ZSCAN25: variants seen among roughly 807,000 people sequenced by gnomAD.
ZSCAN25 encodes zinc finger and SCAN domain containing 25.
A neutral mutation model predicts 38.7 loss-of-function variants in ZSCAN25; 27 were observed. The ratio of observed to expected loss-of-function variants is 0.70; its 90% CI spans 0.51 to 0.96. ZSCAN25 has a LOEUF of 0.96. ZSCAN25 is among the 40% of genes least tolerant of loss of function. The probability of loss-of-function intolerance (pLI) is 0.00; values close to 1 mark genes in which losing one functional copy is unlikely to be tolerated. For synonymous variants in ZSCAN25, 273 were observed against 277.7 expected (o/e 0.98, Z 0.17); for missense variants, 637 against 705.9 (o/e 0.90, Z 1.11).
chr7:99,726,250 C>T, the ZSCAN25 span, among the ~76,000 whole-genome samples: 1 of 152,270 alleles, frequency 6.6e-6, no homozygotes, highest in East Asian at 1.9e-4. Flanking sequence ...CCCAGCTTAA[C>T]GCCAGTATCC....
chr7:99,734,996 A>G, the ZSCAN25 span: 4 of 1,613,936 alleles, frequency 2.5e-6, no homozygotes, highest in Non-Finnish European at 3.4e-6. Context: ...AAGGAAACAG[A>G]GAAGAGGAGC....
chr7:99,629,289 C>T lies in ZSCAN25; in HGVS notation c.904C>T (p.Gln302Ter). ...TSERFGEASL[Q>*]GPGLGRVCEQ... ...AGAGAGGTTTGGGGAAGCCTCTCTC[C>T]AGGGCCCTGGGCTCGGAAGGGTCTG... Residue 302 changes from glutamine (Q) to a stop codon, truncating the protein, a stop_gained, in exon 8 of 8, where the codon CAG becomes TAG. Transcript: ENST00000394152. LOFTEE classifies it low-confidence loss of function (END_TRUNC). This position sits in a 1 kb window ranked among gnomAD's most constrained non-coding sequence, Gnocchi z 5.6. The T allele has an allele frequency of 6.2e-7, 1 of 1,614,196 alleles. No homozygotes were observed. The highest frequency in any genetic ancestry group is 2.2e-5 in the East Asian group (1 of 44,876).
At chr7:99,641,094 G>T in the ZSCAN25 span, among the ~76,000 whole-genome samples, 4 of 152,088 alleles carry the variant, frequency 2.6e-5, no homozygotes, top group Admixed American at 2.6e-4. Context: ...GGAGAGAGGT[G>T]GTAGAATCTT....
At chr7:99,687,956 C>T in the ZSCAN25 span, among the ~76,000 whole-genome samples, 1 of 152,148 alleles carries the variant, frequency 6.6e-6, no homozygotes, top group Non-Finnish European at 1.5e-5. Flanking sequence ...AAATCCTTTA[C>T]AGACAAGCAA....
the ZSCAN25 span, among the ~76,000 whole-genome samples, chr7:99,669,341 A>G: frequency 6.6e-6 from 1 of 152,216 alleles, no homozygotes; most frequent in African/African-American, 2.4e-5. Context: ...AGAACTGAAA[A>G]AAAGTCTGTC....
the ZSCAN25 span, chr7:99,663,456 T>G: frequency 1.2e-5 from 12 of 989,986 alleles, no homozygotes; most frequent in Non-Finnish European, 1.2e-5. Flanking sequence ...TAGCCAGCCT[T>G]GCAACCTCAA....
chr7:99,650,237 T>A, the ZSCAN25 span: 1 of 1,612,706 alleles, frequency 6.2e-7, no homozygotes, highest in African/African-American at 1.3e-5. Flanking sequence ...CTGAACCTAG[T>A]TCCATATTGG....
chr7:99,711,544 G>A, the ZSCAN25 span, among the ~76,000 whole-genome samples: 32 of 152,248 alleles, frequency 2.1e-4, no homozygotes, highest in East Asian at 5.8e-4. Context: ...CAAGGTGGGT[G>A]GATCACCCGA....
chr7:99,665,080 A>T, the ZSCAN25 span: 1 of 1,155,120 alleles, frequency 8.7e-7, no homozygotes. Context: ...TGTACCTTTT[A>T]AGTGGATGAA....
chr7:99,697,553 A>T, the ZSCAN25 span, among the ~76,000 whole-genome samples: 1 of 152,224 alleles, frequency 6.6e-6, no homozygotes, highest in Admixed American at 6.5e-5. Flanking sequence ...TCCTGTTGAT[A>T]GCAAAAGGTA....
At chr7:99,655,348 C>T in the ZSCAN25 span, among the ~76,000 whole-genome samples, 3 of 152,020 alleles carry the variant, frequency 2.0e-5, no homozygotes, top group African/African-American at 4.8e-5. Context: ...CCTTTCCCCA[C>T]TGCTTGTTTT....
At chr7:99,698,252 G>A in the ZSCAN25 span, among the ~76,000 whole-genome samples, 2 of 152,332 alleles carry the variant, frequency 1.3e-5, no homozygotes, top group South Asian at 4.1e-4. Context: ...GGCTGCCCGA[G>A]TCTGTAGTGA....
chr7:99,716,353 T>C, the ZSCAN25 span, among the ~76,000 whole-genome samples: 1 of 152,198 alleles, frequency 6.6e-6, no homozygotes, highest in African/African-American at 2.4e-5. Context: ...TTCAGCACTT[T>C]ACAAAGCAAC....
chr7:99,629,945 G>C lies in ZSCAN25; in HGVS notation c.1560G>C (p.Gly520=), dbSNP rs1408547820. 1 of 1,613,180 alleles carries C rather than the reference G, an allele frequency of 6.2e-7. No individual in the cohort carries two copies. The highest frequency in any genetic ancestry group is 1.3e-5 in the African/African-American group (1 of 74,930). The change falls in exon 8 of 8, where the codon GGG becomes GGC. Residue 520 remains glycine (G), a synonymous_variant. Coordinates refer to ENST00000394152, the MANE Select transcript of ZSCAN25 (RefSeq NM_145115.3). This position sits in a 1 kb window ranked among gnomAD's most constrained non-coding sequence, Gnocchi z 5.6. ...AGCCCTACCACTGTCCTGCCTGCGGGCGAAGCTTCAACCAGAGGTCCATCC... is the reference window on the plus strand; with the variant it reads ...AGCCCTACCACTGTCCTGCCTGCGGCCGAAGCTTCAACCAGAGGTCCATCC... ...GEKPYHCPAC[G]RSFNQRSILN...
intron 7 of ZSCAN25, among the ~76,000 whole-genome samples, chr7:99,628,097 A>G (rs1807652711): frequency 6.6e-6 from 1 of 152,230 alleles, no homozygotes; most frequent in East Asian, 1.9e-4. Context: ...CACAAAAAGG[A>G]AAAAAAGGGT....
downstream of ZSCAN25, among the ~76,000 whole-genome samples, chr7:99,637,122 A>G (rs1308367356): frequency 6.6e-6 from 1 of 152,254 alleles, no homozygotes; most frequent in Non-Finnish European, 1.5e-5. Flanking sequence ...AATGACTTAT[A>G]GCTTCAGCTT....
At chr7:99,713,362 A>C in the ZSCAN25 span, 1 of 1,530,436 alleles carries the variant, frequency 6.5e-7, no homozygotes, top group Non-Finnish European at 9.0e-7. Context: ...TCATTCTGCT[A>C]TGTGGCAGAA....
chr7:99,622,359 T>C, intron 5 of ZSCAN25, 190 bp from the exon 6 acceptor site: 1 of 632,976 alleles, frequency 1.6e-6, no homozygotes, highest in Non-Finnish European at 2.8e-6. Context: ...AGGCCCCAGC[T>C]GAGAATAGGG....
the ZSCAN25 span, among the ~76,000 whole-genome samples, chr7:99,682,874 G>A: frequency 6.6e-5 from 10 of 151,998 alleles, no homozygotes; most frequent in Non-Finnish European, 1.5e-5. Context: ...TTTATTTGGG[G>A]TTATTGTAAA....
Sources: gnomAD v4.1 joint callset for allele counts (sites outside exome capture counted in the v4.1 genomes callset) on GRCh38, gnomAD v4.1.1 for gene constraint, Gnocchi (gnomAD v3.1) non-coding constraint, MANE v1.5 for transcripts, NCBI Gene and HGNC (gene_info 2026-07-23, HGNC 2026-07-21) for gene names.